The following NAALADL2 variants were observed in gnomAD, a reference collection of about 807,000 sequenced individuals.
NAALADL2 encodes the protein N-acetylated alpha-linked acidic dipeptidase like 2.
In NAALADL2, 76 loss-of-function variants were observed where a neutral mutation model predicts 87.2. That is an observed-to-expected ratio of 0.87 (90% CI 0.72 to 1.05). NAALADL2 has a LOEUF of 1.05. NAALADL2 is among the 50% of genes least tolerant of loss of function. The pLI is 0.00. For missense variants in NAALADL2, 1,089 were observed against 945.8 expected (o/e 1.15, Z -1.99); for synonymous variants, 354 against 331.0 (o/e 1.07, Z -0.75).
chr3:175,639,513 G>A (rs909320252), intron 11 of NAALADL2, among the ~76,000 whole-genome samples: 3 of 151,622 alleles, frequency 2.0e-5, no homozygotes, highest in African/African-American at 7.3e-5. Flanking sequence ...GTAGATACGG[G>A]GTTTCACAGT....
At chr3:174,771,196 G>A (rs1311696760) in intron 3 of NAALADL2, among the ~76,000 whole-genome samples, 1 of 152,068 alleles carries the variant, frequency 6.6e-6, no homozygotes, top group Non-Finnish European at 1.5e-5. Flanking sequence ...TAGATTAGAG[G>A]CAAAGCATCT....
intron 2 of NAALADL2, among the ~76,000 whole-genome samples, chr3:174,565,162 A>T (rs1462114671): frequency 1.3e-5 from 2 of 152,008 alleles, no homozygotes; most frequent in Non-Finnish European, 2.9e-5. Flanking sequence ...GCCAATATTG[A>T]TTCAGTATTA....
rs138598372 is a variant in NAALADL2 at position 175,125,715 on chromosome 3, G to C, written c.545+28424G>C. Among the ~76,000 whole-genome samples the C allele has an allele frequency of 2.2e-3, 342 of 152,174 alleles. 1 individual carries two copies. Among genetic ancestry groups the C allele is most frequent in the African/African-American group, 8.0e-3 (331 of 41,540 alleles). On this transcript the variant is annotated intron_variant, in intron 2 of 13. Transcript: ENST00000454872. ...AGAAGCTGGTATCTGGAACCGAACA[G>C]GTTCGAGAAGCCTACTAGACATCCA...
chr3:175,597,706 T>C (rs2149626007), intron 10 of NAALADL2, among the ~76,000 whole-genome samples: 1 of 152,090 alleles, frequency 6.6e-6, no homozygotes, highest in East Asian at 1.9e-4. Flanking sequence ...ATAGTTACCA[T>C]TCTCCCCAAG....
chr3:175,708,572 T>A lies in NAALADL2; in HGVS notation c.1897-28734T>A, dbSNP rs1231469511. 9.2e-5 allele frequency among the ~76,000 whole-genome samples: 14 copies of A among 151,736 alleles called. No homozygotes were observed. In the East Asian group the frequency reaches 2.3e-3, roughly 25 times the overall value. ...ATGATGGACAAAGTAGAGACGGAGA[T>A]TATTTCTGACTGGTAACATGAACTA... is the stretch of plus-strand genomic sequence containing the variant. On this transcript the variant is annotated intron_variant, in intron 11 of 13. Transcript: ENST00000454872.
At chr3:175,567,396 G>T (rs1717338623) in intron 9 of NAALADL2, among the ~76,000 whole-genome samples, 1 of 151,846 alleles carries the variant, frequency 6.6e-6, no homozygotes. Flanking sequence ...TTTTCTTAGA[G>T]ATTGATCCTT....
chr3:175,574,759 T>C (rs1157131729), intron 9 of NAALADL2, among the ~76,000 whole-genome samples: 4 of 152,152 alleles, frequency 2.6e-5, no homozygotes, highest in Non-Finnish European at 5.9e-5. Context: ...AGTTTTATTT[T>C]ATATAGATTA....
chr3:174,699,276 T>C (rs866610216), intron 2 of NAALADL2, among the ~76,000 whole-genome samples: 1 of 152,058 alleles, frequency 6.6e-6, no homozygotes, highest in South Asian at 2.1e-4. Context: ...GGCAGGAGGA[T>C]CATAAGGTCA....
Position 175,471,623 on chromosome 3 carries a change from T to G in NAALADL2, c.1534-16T>G, listed in dbSNP as rs1328072236. The G allele has an allele frequency of 4.4e-6, 6 of 1,348,326 alleles. No homozygotes were observed. Among genetic ancestry groups the G allele is most frequent in the Admixed American group, 3.9e-5 (2 of 51,376 alleles). 83.5% of individuals were successfully genotyped at this position (1,348,326 alleles called of 1,614,324 possible). A position where few individuals can be genotyped will look rare whatever the true frequency, so the allele number is the denominator to read the frequency against. ...ATTTGTCTTACAGATAGATCCTTTT[T>G]TTTTTGTTATTTCAGGATTTCAAGA... On this transcript the variant is annotated splice_polypyrimidine_tract_variant and intron_variant, in intron 8 of 13. Coordinates refer to ENST00000454872, the MANE Select transcript of NAALADL2 (RefSeq NM_207015.3).
At chr3:174,487,607 G>T (rs2108342859) in intron 1 of NAALADL2, among the ~76,000 whole-genome samples, 1 of 152,058 alleles carries the variant, frequency 6.6e-6, no homozygotes, top group East Asian at 1.9e-4. Context: ...ATATGGATTG[G>T]ATTTCAGCAG....
intron 1 of NAALADL2, among the ~76,000 whole-genome samples, chr3:174,949,613 A>T (rs1339364731): frequency 6.6e-6 from 1 of 152,228 alleles, no homozygotes; most frequent in East Asian, 1.9e-4. Context: ...CAGGACCAAC[A>T]TCACAAATGA....
chr3:174,657,815 T>C (rs1225074050), intron 2 of NAALADL2, among the ~76,000 whole-genome samples: 1 of 152,186 alleles, frequency 6.6e-6, no homozygotes, highest in Non-Finnish European at 1.5e-5. Flanking sequence ...CCCTGGCTAC[T>C]ACTCATCTTT....
chr3:175,080,419 C>G (rs749370346), intron 1 of NAALADL2, among the ~76,000 whole-genome samples: 1 of 152,178 alleles, frequency 6.6e-6, no homozygotes, highest in Non-Finnish European at 1.5e-5. Flanking sequence ...TAATTCTAAA[C>G]CGAATTTTCC....
At position 175,805,133 on chromosome 3, in the gene NAALADL2, G is replaced by A. The variant is rs1347680809; in HGVS notation, c.*1930G>A. 1 of 151,850 alleles carries A rather than the reference G, an allele frequency of 6.6e-6. No homozygotes were observed. Among genetic ancestry groups the A allele is most frequent in the African/African-American group, 2.4e-5 (1 of 41,374 alleles). The allele number at this position is 151,850 out of a possible 1,614,324, so 9.4% of individuals were successfully genotyped here. A position where few individuals can be genotyped will look rare whatever the true frequency, so the allele number is the denominator to read the frequency against. Reference sequence around the variant, plus strand: ...TAGAAAGCCTTATATTTAACCAAAGGTTGATGTGTTCATTCCAGTTATTCA... The same window carrying A: ...TAGAAAGCCTTATATTTAACCAAAGATTGATGTGTTCATTCCAGTTATTCA... On this transcript the variant is annotated 3_prime_UTR_variant, in exon 14 of 14. Transcript: ENST00000454872.
chr3:175,625,990 A>T (rs890456656), intron 10 of NAALADL2, among the ~76,000 whole-genome samples: 10 of 151,986 alleles, frequency 6.6e-5, no homozygotes, highest in Non-Finnish European at 1.3e-4. Context: ...AAAATGTTTT[A>T]AATTATTCTT....
chr3:174,809,994 G>A (rs1358985027), intron 3 of NAALADL2, among the ~76,000 whole-genome samples: 1 of 152,126 alleles, frequency 6.6e-6, no homozygotes, highest in Non-Finnish European at 1.5e-5. Context: ...GAAGATGCCT[G>A]CTCCTGCTTT....
At chr3:175,212,584 TTCC>T (rs1159999256) in intron 2 of NAALADL2, among the ~76,000 whole-genome samples, 1 of 151,846 alleles carries the variant, frequency 6.6e-6, no homozygotes, top group Non-Finnish European at 1.5e-5. Flanking sequence ...CTCATCCCCT[TTCC>T]TCCTCCTCCA....
intron 1 of NAALADL2, among the ~76,000 whole-genome samples, chr3:174,512,879 A>G (rs902716207): frequency 1.3e-5 from 2 of 151,924 alleles, no homozygotes; most frequent in African/African-American, 4.8e-5. Flanking sequence ...AAAGCCTGGT[A>G]TCTGTTACTT....
At chr3:175,130,151 A>G (rs143295137) in intron 2 of NAALADL2, among the ~76,000 whole-genome samples, 130 of 152,272 alleles carry the variant, frequency 8.5e-4, no homozygotes, top group Admixed American at 3.0e-3. Flanking sequence ...TTTTAAAATC[A>G]CATTGTTTGT....
Sources: allele counts gnomAD v4.1 joint callset (sites outside exome capture counted in the v4.1 genomes callset), GRCh38; gene constraint gnomAD v4.1.1; transcripts MANE v1.5; gene names NCBI Gene and HGNC (gene_info 2026-07-23, HGNC 2026-07-21).